The following JARID2 variants were observed in gnomAD, a reference collection of about 807,000 sequenced individuals.
JARID2 encodes the protein protein Jumonji.
In JARID2, 21 loss-of-function variants were observed where a neutral mutation model predicts 125.6. That is an observed-to-expected ratio of 0.17 (90% CI 0.12 to 0.24). The LOEUF is 0.24. JARID2 is among the 10% of genes least tolerant of loss of function. JARID2 has a pLI of 1.00. For missense variants in JARID2, 1,303 were observed against 1,639.6 expected (o/e 0.79, Z 3.55); for synonymous variants, 736 against 661.6 (o/e 1.11, Z -1.73).
chr6:15,472,588 TC>T (rs1769130209), intron 5 of JARID2, among the ~76,000 whole-genome samples: 1 of 152,126 alleles, frequency 6.6e-6, no homozygotes, highest in Non-Finnish European at 1.5e-5. Context: ...CCCAGCAGAG[TC>T]CCAGAACTAC....
chr6:15,475,979 G>C (rs1769323449), intron 5 of JARID2, among the ~76,000 whole-genome samples: 1 of 152,196 alleles, frequency 6.6e-6, no homozygotes, highest in Non-Finnish European at 1.5e-5. Context: ...CGAAAGGGGA[G>C]AGCAAGCTGG....
At chr6:15,477,444 A>AT (rs1279514853) in intron 5 of JARID2, among the ~76,000 whole-genome samples, 3 of 143,252 alleles carry the variant, frequency 2.1e-5, no homozygotes, top group Non-Finnish European at 4.6e-5. Context: ...TGGTAGCTCC[A>AT]TTTTTCCTGT....
chr6:15,414,429 A>G lies in JARID2; in HGVS notation c.323+4064A>G, dbSNP rs1009821090. 4.6e-5 allele frequency among the ~76,000 whole-genome samples: 7 copies of G among 152,232 alleles called. No homozygotes were observed. In the East Asian group the frequency reaches 1.3e-3, roughly 29 times the overall value. On this transcript the variant is annotated intron_variant, in intron 3 of 17. Transcript: ENST00000341776. ...TGACACTAGGGATCTTTTTAGCTATAGAAACCAGTGGAGTCCAGAGTTCTT... is the reference window on the plus strand; with the variant it reads ...TGACACTAGGGATCTTTTTAGCTATGGAAACCAGTGGAGTCCAGAGTTCTT...
intron 2 of JARID2, among the ~76,000 whole-genome samples, chr6:15,380,130 G>A (rs549983145): frequency 6.6e-6 from 1 of 151,918 alleles, no homozygotes; most frequent in Admixed American, 6.6e-5. Context: ...CAGCCTCCTG[G>A]GTTCAAGTGA....
intron 2 of JARID2, chr6:15,400,840 CA>C: frequency 1.6e-6 from 2 of 1,283,040 alleles, no homozygotes; most frequent in Non-Finnish European, 2.0e-6. Flanking sequence ...TTATTACGTA[CA>C]GGGGAGGATT....
chr6:15,248,815 G>A, intron 1 of JARID2: 1 of 696,670 alleles, frequency 1.4e-6, no homozygotes, highest in Non-Finnish European at 1.8e-6. Context: ...TCGGGCGGGA[G>A]GCTCCAGGCG....
chr6:15,406,895 G>A (rs561552029), intron 2 of JARID2, among the ~76,000 whole-genome samples: 29 of 151,982 alleles, frequency 1.9e-4, no homozygotes, highest in Non-Finnish European at 3.1e-4. Flanking sequence ...TATTTGTCAC[G>A]TTGGCTGATT....
At chr6:15,512,673 C>T (rs1771336755) in intron 14 of JARID2, among the ~76,000 whole-genome samples, 1 of 152,112 alleles carries the variant, frequency 6.6e-6, no homozygotes, top group Non-Finnish European at 1.5e-5. Context: ...TTAGAATGGA[C>T]AGAGAACCTC....
intron 2 of JARID2, among the ~76,000 whole-genome samples, chr6:15,406,328 G>A (rs1765648298): frequency 6.6e-6 from 1 of 152,190 alleles, no homozygotes; most frequent in Admixed American, 6.5e-5. Context: ...CAGCTACTCA[G>A]GAGGCTGAGG....
intron 3 of JARID2, among the ~76,000 whole-genome samples, chr6:15,428,043 C>G (rs899881633): frequency 6.6e-6 from 1 of 152,100 alleles, no homozygotes; most frequent in Non-Finnish European, 1.5e-5. Flanking sequence ...TGCCTCCCTC[C>G]TATTTTATTG....
intron 5 of JARID2, among the ~76,000 whole-genome samples, chr6:15,469,916 C>T (rs1476537204): frequency 2.0e-5 from 3 of 152,124 alleles, no homozygotes; most frequent in Non-Finnish European, 4.4e-5. Context: ...AGGTGGCTCA[C>T]ACCTGTAATC....
In JARID2 at chr6:15,286,292, A is replaced by G. The variant is rs560129506; in HGVS notation, c.45+39708A>G. Among the ~76,000 whole-genome samples the G allele has an allele frequency of 4.8e-3, 716 of 149,592 alleles. 7 individuals carry two copies. The highest frequency in any genetic ancestry group is 0.016 in the African/African-American group (661 of 40,310). On this transcript the variant is annotated intron_variant, in intron 1 of 17. Transcript: ENST00000341776. ...TTTTGAGATGAAGTCTCACTTTGTC[A>G]CCCGAGTTGGAGTGCAGTGGTGTGA...
chr6:15,342,382 G>A (rs543462515), intron 1 of JARID2, among the ~76,000 whole-genome samples: 20 of 152,308 alleles, frequency 1.3e-4, no homozygotes, highest in Admixed American at 3.9e-4. Flanking sequence ...GAAACCTGGG[G>A]CAGAGCAGAC....
intron 1 of JARID2, among the ~76,000 whole-genome samples, chr6:15,301,902 A>C (rs982229649): frequency 6.6e-6 from 1 of 152,146 alleles, no homozygotes; most frequent in African/African-American, 2.4e-5. Context: ...TTTGACTAAT[A>C]TAGATGATCA....
intron 1 of JARID2, among the ~76,000 whole-genome samples, chr6:15,317,734 G>A (rs1762224777): frequency 6.6e-6 from 1 of 152,150 alleles, no homozygotes; most frequent in Non-Finnish European, 1.5e-5. Flanking sequence ...AAAATGCCAT[G>A]GCTGCGTGGG....
chr6:15,284,050 T>A (rs1235193555), intron 1 of JARID2, among the ~76,000 whole-genome samples: 2 of 152,218 alleles, frequency 1.3e-5, no homozygotes, highest in African/African-American at 4.8e-5. Context: ...ATAGAAGTTT[T>A]AAATTTTTCT....
intron 1 of JARID2, among the ~76,000 whole-genome samples, chr6:15,292,312 C>T (rs11759847): frequency 6.6e-6 from 1 of 152,132 alleles, no homozygotes; most frequent in Non-Finnish European, 1.5e-5. Context: ...TGAGACACCG[C>T]GCCCAGCTGA....
At chr6:15,269,573 T>A (rs796828605) in intron 1 of JARID2, among the ~76,000 whole-genome samples, 3,671 of 67,772 alleles carry the variant, frequency 0.054, 163 homozygotes, top group African/African-American at 0.16. Context: ...TATTTTAAAA[T>A]TTTTTTTTTT....
At chr6:15,417,338 T>C (rs1415860900) in intron 3 of JARID2, among the ~76,000 whole-genome samples, 1 of 152,238 alleles carries the variant, frequency 6.6e-6, no homozygotes, top group Admixed American at 6.5e-5. Flanking sequence ...TTGGGCAGGT[T>C]ATATAATATG....
Sources: gnomAD v4.1 joint callset for allele counts (sites outside exome capture counted in the v4.1 genomes callset) on GRCh38, gnomAD v4.1.1 for gene constraint, MANE v1.5 for transcripts, NCBI Gene and HGNC (gene_info 2026-07-23, HGNC 2026-07-21) for gene names.